Variants in MAGI1 observed in about 807,000 individuals in gnomAD.
MAGI1 encodes the protein membrane-associated guanylate kinase, WW and PDZ domain-containing protein 1.
A neutral mutation model predicts 139.9 loss-of-function variants in MAGI1; 58 were observed. The ratio of observed to expected loss-of-function variants is 0.41; its 90% CI spans 0.34 to 0.52. The LOEUF is 0.52. Ranked by LOEUF, MAGI1 falls within the 20% of genes least tolerant of loss-of-function variation. The pLI, the probability that MAGI1 is intolerant of heterozygous loss-of-function variation, is 0.12. For missense variants in MAGI1, 1,874 were observed against 1,901.6 expected, an observed-to-expected ratio of 0.99 and a Z score of 0.27; for synonymous variants, 812 against 737.9, an observed-to-expected ratio of 1.10 and a Z score of -1.63.
chr3:65,860,663 T>C (rs894743528), intron 1 of MAGI1, among the ~76,000 whole-genome samples: 2 of 152,114 alleles, frequency 1.3e-5, no homozygotes, highest in Non-Finnish European at 2.9e-5. Context: ...GAGTCTGTCC[T>C]CCCCGTGGCA....
chr3:65,492,308 T>G (rs1041367580), intron 3 of MAGI1, among the ~76,000 whole-genome samples: 2 of 152,234 alleles, frequency 1.3e-5, no homozygotes, highest in Non-Finnish European at 2.9e-5. Context: ...TCCACCACAT[T>G]TGGCTTTGAC....
At chr3:65,589,381 A>G (rs574991200) in intron 2 of MAGI1, among the ~76,000 whole-genome samples, 1 of 152,182 alleles carries the variant, frequency 6.6e-6, no homozygotes, top group South Asian at 2.1e-4. Flanking sequence ...CCCGTCTACT[A>G]AGTCACCCTT....
intron 2 of MAGI1, among the ~76,000 whole-genome samples, chr3:65,517,282 T>TA (rs1429960544): frequency 1.3e-5 from 2 of 152,128 alleles, no homozygotes; most frequent in African/African-American, 4.8e-5. Context: ...CTCCCAAACT[T>TA]CCTTCAAGAA....
intron 1 of MAGI1, among the ~76,000 whole-genome samples, chr3:65,783,225 T>A (rs1424920811): frequency 6.6e-6 from 1 of 152,076 alleles, no homozygotes; most frequent in East Asian, 1.9e-4. Context: ...TTAACAGATA[T>A]TTCTTTAAAG....
At chr3:66,028,036 G>A (rs1422377973) in intron 1 of MAGI1, among the ~76,000 whole-genome samples, 1 of 152,198 alleles carries the variant, frequency 6.6e-6, no homozygotes, top group Non-Finnish European at 1.5e-5. Context: ...CAGGCACGAA[G>A]GCTCATGCCT....
intron 1 of MAGI1, among the ~76,000 whole-genome samples, chr3:65,849,499 AT>A (rs2059133308): frequency 1.1e-5 from 1 of 90,780 alleles, no homozygotes; most frequent in Admixed American, 1.2e-4. Flanking sequence ...TCAAATATAC[AT>A]ATATATATAT....
intron 1 of MAGI1, among the ~76,000 whole-genome samples, chr3:65,669,641 A>G (rs146254227): frequency 7.2e-5 from 11 of 152,322 alleles, no homozygotes; most frequent in African/African-American, 2.6e-4. Flanking sequence ...CTACTGATAA[A>G]GCCATGTTTC....
At chr3:65,949,342 C>G (rs1010972912) in intron 1 of MAGI1, among the ~76,000 whole-genome samples, 2 of 152,186 alleles carry the variant, frequency 1.3e-5, no homozygotes, top group African/African-American at 4.8e-5. Flanking sequence ...GTTGTTATTA[C>G]TACTAGCTGG....
intron 2 of MAGI1, among the ~76,000 whole-genome samples, chr3:65,621,420 TA>T (rs1425780038): frequency 6.6e-6 from 1 of 152,202 alleles, no homozygotes; most frequent in Admixed American, 6.5e-5. Flanking sequence ...TTGGATTTTT[TA>T]TCTGTGGAAA....
intron 1 of MAGI1, among the ~76,000 whole-genome samples, chr3:65,877,794 A>G (rs1484141987): frequency 2.0e-5 from 3 of 152,072 alleles, no homozygotes; most frequent in African/African-American, 7.2e-5. Context: ...ATCTATGAGA[A>G]CAGAACACCC....
chr3:65,671,384 C>T (rs918363012), intron 1 of MAGI1, among the ~76,000 whole-genome samples: 1 of 152,120 alleles, frequency 6.6e-6, no homozygotes, highest in African/African-American at 2.4e-5. Flanking sequence ...CAGGAGCAAT[C>T]GACATTTGTG....
intron 2 of MAGI1, among the ~76,000 whole-genome samples, chr3:65,495,167 G>T (rs4688238): frequency 1.3e-5 from 2 of 151,978 alleles, no homozygotes; most frequent in South Asian, 2.1e-4. Context: ...GTCTGGAGTG[G>T]GAATCCTAGG....
At chr3:65,938,821 A>T (rs1214920703) in intron 1 of MAGI1, among the ~76,000 whole-genome samples, 2 of 152,204 alleles carry the variant, frequency 1.3e-5, no homozygotes, top group Non-Finnish European at 2.9e-5. Context: ...TTATTGTGAT[A>T]GACTGGCAGA....
intron 1 of MAGI1, among the ~76,000 whole-genome samples, chr3:65,725,201 T>A (rs2033470612): frequency 6.6e-6 from 1 of 152,156 alleles, no homozygotes; most frequent in Admixed American, 6.5e-5. Flanking sequence ...AGTAGGACAG[T>A]ACAATGGTTA....
At chr3:65,451,783 C>A (rs1302121170) in intron 6 of MAGI1, among the ~76,000 whole-genome samples, 1 of 151,930 alleles carries the variant, frequency 6.6e-6, no homozygotes, top group Non-Finnish European at 1.5e-5. Context: ...TAGCTGGGAC[C>A]ACAGGCGCAT....
intron 1 of MAGI1, among the ~76,000 whole-genome samples, chr3:65,730,666 G>T (rs945479054): frequency 7.2e-5 from 11 of 152,136 alleles, no homozygotes; most frequent in African/African-American, 2.7e-4. Context: ...CAAAATCAGG[G>T]GTCAGTTAGC....
chr3:65,733,215 C>T (rs1016165339), intron 1 of MAGI1, among the ~76,000 whole-genome samples: 7 of 152,020 alleles, frequency 4.6e-5, no homozygotes, highest in African/African-American at 7.2e-5. Context: ...CCTGCCACCA[C>T]GCCCCGCTAA....
At chr3:65,732,885 A>C (rs2034327487) in intron 1 of MAGI1, among the ~76,000 whole-genome samples, 1 of 152,222 alleles carries the variant, frequency 6.6e-6, no homozygotes, top group African/African-American at 2.4e-5. Context: ...TGAGAAACTC[A>C]AATGAGAAAA....
At chr3:65,833,890 G>C (rs147292342) in intron 1 of MAGI1, among the ~76,000 whole-genome samples, 30 of 152,310 alleles carry the variant, frequency 2.0e-4, no homozygotes, top group African/African-American at 7.0e-4. Context: ...AAAAGTTTAT[G>C]AACTTTCACA....
Sources: allele counts gnomAD v4.1 joint callset (sites outside exome capture counted in the v4.1 genomes callset), GRCh38; gene constraint gnomAD v4.1.1; transcripts MANE v1.5; gene names NCBI Gene and HGNC (gene_info 2026-07-23, HGNC 2026-07-21).